SLC2A1: variants seen among roughly 807,000 people sequenced by gnomAD.
SLC2A1 encodes solute carrier family 2, facilitated glucose transporter member 1.
SLC2A1 carries 4 observed loss-of-function variants against 46.6 expected under a neutral mutation model. The ratio of observed to expected loss-of-function variants is 0.09; its 90% CI spans 0.04 to 0.20. SLC2A1 has a LOEUF of 0.20. Ranked by LOEUF, SLC2A1 falls within the 10% of genes least tolerant of loss-of-function variation. The probability of loss-of-function intolerance (pLI) is 1.00; values close to 1 mark genes in which losing one functional copy is unlikely to be tolerated. For missense variants in SLC2A1, 352 were observed against 667.0 expected (o/e 0.53, Z 5.20); for synonymous variants, 253 against 270.0 (o/e 0.94, Z 0.62).
chr1:42,958,397 G>A (rs1160429810), intron 1 of SLC2A1, among the ~76,000 whole-genome samples: 3 of 150,642 alleles, frequency 2.0e-5, no homozygotes, highest in Admixed American at 6.6e-5. Flanking sequence ...CAGTGCCGGC[G>A]CCAACTACGC....
At chr1:42,943,840 C>T (rs1570601401) in intron 1 of SLC2A1, among the ~76,000 whole-genome samples, 2 of 152,192 alleles carry the variant, frequency 1.3e-5, no homozygotes, top group Admixed American at 1.3e-4. Context: ...CCCCCATGTA[C>T]CACCTCTCCC....
Position 42,930,076 on chromosome 1 carries a change from C to G in SLC2A1, c.517-41G>C, listed in dbSNP as rs1318758723. On this transcript the variant is annotated intron_variant, in intron 4 of 9. Coordinates refer to ENST00000426263, the MANE Select transcript of SLC2A1 (RefSeq NM_006516.4). The surrounding 1 kb of genome is among the most constrained non-coding windows in gnomAD (Gnocchi z 6.2). ...GCCGTGAGCGCCTCTGCCCTGACCC[C>G]CTTTCCCACCCCGTCCTGCCAGAGT... 4 of 1,610,560 alleles carry G rather than the reference C, an allele frequency of 2.5e-6. No homozygotes were observed. Among genetic ancestry groups the G allele is most frequent in the Admixed American group, 1.7e-5 (1 of 59,794 alleles).
chr1:42,940,546 C>T (rs1235395452), intron 2 of SLC2A1, among the ~76,000 whole-genome samples: 5 of 152,172 alleles, frequency 3.3e-5, no homozygotes, highest in Non-Finnish European at 7.4e-5. Flanking sequence ...TCTTGTTCTT[C>T]TACTTAGGGT....
Position 42,929,504 on chromosome 1 carries a change from CTG to C in SLC2A1, c.867+87_867+88del. The C allele has an allele frequency of 7.4e-7, 1 of 1,346,722 alleles. No individual in the cohort carries two copies. Among genetic ancestry groups the C allele is most frequent in the Non-Finnish European group, 1.1e-6 (1 of 941,400 alleles). 83.4% of individuals were successfully genotyped at this position (1,346,722 alleles called of 1,614,324 possible). A position where few individuals can be genotyped will look rare whatever the true frequency, so the allele number is the denominator to read the frequency against. Reference sequence around the variant, plus strand: ...GGAAACTTCTTCGGCAGAGGCGTATCTGTTGTTTCAAGTTTGGGACTTGTTCA... The same window carrying C: ...GGAAACTTCTTCGGCAGAGGCGTATCTTGTTTCAAGTTTGGGACTTGTTCA... On this transcript the variant is annotated intron_variant, in intron 6 of 9. Coordinates refer to ENST00000426263, the MANE Select transcript of SLC2A1 (RefSeq NM_006516.4). The surrounding 1 kb of genome is among the most constrained non-coding windows in gnomAD (Gnocchi z 6.0).
intron 2 of SLC2A1, among the ~76,000 whole-genome samples, chr1:42,931,440 G>T: frequency 6.6e-6 from 1 of 152,140 alleles, no homozygotes; most frequent in Non-Finnish European, 1.5e-5. Context: ...TTCCCCTAAC[G>T]TGTGGTTTCC....
At chr1:42,944,680 G>C (rs1307972288) in intron 1 of SLC2A1, among the ~76,000 whole-genome samples, 1 of 152,222 alleles carries the variant, frequency 6.6e-6, no homozygotes, top group Non-Finnish European at 1.5e-5. Context: ...CAGAGGCTGC[G>C]AAAGAGGAAG....
chr1:42,951,856 A>G, intron 1 of SLC2A1: 1 of 400,856 alleles, frequency 2.5e-6, no homozygotes, highest in Middle Eastern at 6.3e-4. Context: ...CACTGTGGTT[A>G]GAGACTTTAT....
At chr1:42,931,795 C>T (rs963277526) in intron 2 of SLC2A1, among the ~76,000 whole-genome samples, 6 of 139,464 alleles carry the variant, frequency 4.3e-5, no homozygotes, top group African/African-American at 1.6e-4. Flanking sequence ...CACTGCACTT[C>T]AGCCTGAGTG....
intron 2 of SLC2A1, among the ~76,000 whole-genome samples, chr1:42,940,405 T>A (rs1173520505): frequency 6.6e-6 from 1 of 152,214 alleles, no homozygotes; most frequent in Non-Finnish European, 1.5e-5. Context: ...TGTCTATTAC[T>A]ATGACAGGCA....
intron 1 of SLC2A1, among the ~76,000 whole-genome samples, chr1:42,955,312 C>A (rs1030786507): frequency 2.6e-5 from 4 of 152,156 alleles, no homozygotes; most frequent in Non-Finnish European, 5.9e-5. Context: ...ACCACATATG[C>A]AAACATCTAT....
Position 42,927,216 on chromosome 1 carries a change from A to T in SLC2A1, c.1304T>A (p.Ile435Asn). ...CAGAACCAGGAGCACAGTGAAGATG[A>T]TGAAGACGTAGGGACCACACAGTTG... ...VEQLCGPYVF[I>N]IFTVLLVLFF... The change falls in exon 10 of 10, where the codon ATC (isoleucine) becomes AAC (asparagine). Residue 435 changes from isoleucine to asparagine, a missense_variant. By Grantham distance (149) the Ile-to-Asn change is moderately radical. This residue lies in a region of SLC2A1 where 35 missense variants were observed against 107.2 expected (regional missense o/e 0.33). Transcript: ENST00000426263. This position sits in a 1 kb window ranked among gnomAD's most constrained non-coding sequence, Gnocchi z 5.3. 1.9e-6 allele frequency: 3 copies of T among 1,614,122 alleles called. No individual in the cohort carries two copies. The highest frequency in any genetic ancestry group is 2.5e-6 in the Non-Finnish European group (3 of 1,180,036).
chr1:42,931,902 C>CT (rs1643494447), intron 2 of SLC2A1, among the ~76,000 whole-genome samples: 2 of 151,684 alleles, frequency 1.3e-5, no homozygotes, highest in South Asian at 4.2e-4. Flanking sequence ...CTCACCATGT[C>CT]TCAAAGCCCC....
intron 1 of SLC2A1, among the ~76,000 whole-genome samples, chr1:42,956,941 C>T (rs1344355461): frequency 6.6e-6 from 1 of 152,092 alleles, no homozygotes; most frequent in African/African-American, 2.4e-5. Flanking sequence ...TAGTGAGTAA[C>T]CAGCAGGGCT....
At chr1:42,945,342 CCTGGGTGA>C (rs1276193866) in intron 1 of SLC2A1, among the ~76,000 whole-genome samples, 1 of 152,028 alleles carries the variant, frequency 6.6e-6, no homozygotes, top group Non-Finnish European at 1.5e-5. Flanking sequence ...GGCACTCCAG[CCTGGGTGA>C]CAGAGTGAGA....
At chr1:42,931,249 G>C (rs766321242) in intron 2 of SLC2A1, 43 bp from the exon 3 acceptor site, 1 of 1,599,376 alleles carries the variant, frequency 6.3e-7, no homozygotes, top group South Asian at 1.1e-5. Context: ...CCAGGGGCCA[G>C]GACCCAGTCT....
At chr1:42,947,581 C>CACACAAAAAAAAAAAAAAAAAAAAAAA (rs1373644000) in intron 1 of SLC2A1, among the ~76,000 whole-genome samples, 1 of 55,830 alleles carries the variant, frequency 1.8e-5, no homozygotes, top group African/African-American at 9.2e-5. Context: ...CACACACACA[C>CACACAAAAAAAAAAAAAAAAAAAAAAA]AAAAAAAAAA....
intron 2 of SLC2A1, among the ~76,000 whole-genome samples, chr1:42,937,451 C>A (rs1167941136): frequency 1.3e-5 from 2 of 152,212 alleles, no homozygotes; most frequent in Non-Finnish European, 2.9e-5. Context: ...CCACACACTG[C>A]CAGCTAGGTG....
intron 2 of SLC2A1, among the ~76,000 whole-genome samples, chr1:42,934,105 A>G (rs1394987410): frequency 6.6e-6 from 1 of 152,212 alleles, no homozygotes; most frequent in Non-Finnish European, 1.5e-5. Flanking sequence ...AACTACCTAA[A>G]TAAGCTTGAA....
Position 42,930,203 on chromosome 1 carries a change from A to G in SLC2A1, c.517-168T>C. ...CTGTTTCTCAGTTTCCTCATCGGTCACATGGGAAAAGTAGGACCTACCCCA... is the reference window on the plus strand; with the variant it reads ...CTGTTTCTCAGTTTCCTCATCGGTCGCATGGGAAAAGTAGGACCTACCCCA... On this transcript the variant is annotated intron_variant, in intron 4 of 9. Transcript: ENST00000426263. This position sits in a 1 kb window ranked among gnomAD's most constrained non-coding sequence, Gnocchi z 6.2. 1 of 771,668 alleles carries G rather than the reference A, an allele frequency of 1.3e-6. No individual in the cohort carries two copies. Among genetic ancestry groups the G allele is most frequent in the Non-Finnish European group, 2.2e-6 (1 of 460,420 alleles). The allele number at this position is 771,668 out of a possible 1,614,324, so 47.8% of individuals were successfully genotyped here. A position where few individuals can be genotyped will look rare whatever the true frequency, so the allele number is the denominator to read the frequency against.
Sources: allele counts gnomAD v4.1 joint callset (sites outside exome capture counted in the v4.1 genomes callset), GRCh38; gene constraint gnomAD v4.1.1; regional missense constraint gnomAD v4.1.1; non-coding constraint Gnocchi (gnomAD v3.1); transcripts MANE v1.5; gene names NCBI Gene and HGNC (gene_info 2026-07-23, HGNC 2026-07-21).